Variants in SLC35B4 observed in about 807,000 individuals in gnomAD.
The protein encoded by SLC35B4 is solute carrier family 35 member B4, also known as nucleotide sugar transporter SLC35B4.
A neutral mutation model predicts 39.5 loss-of-function variants in SLC35B4; 28 were observed. That is an observed-to-expected ratio of 0.71 (90% CI 0.53 to 0.97). The LOEUF (loss-of-function observed/expected upper bound fraction) is 0.97. Among genes scored for constraint, SLC35B4 ranks in the 50% least tolerant of loss-of-function variants. The probability of loss-of-function intolerance (pLI) is 0.00; values close to 1 mark genes in which losing one functional copy is unlikely to be tolerated. For synonymous variants in SLC35B4, 145 were observed against 150.4 expected, an observed-to-expected ratio of 0.96 and a Z score of 0.26; for missense variants, 334 against 414.3, an observed-to-expected ratio of 0.81 and a Z score of 1.68.
chr7:134,299,494 G>A (rs1394604383), intron 8 of SLC35B4, 29 bp downstream of exon 8: 1 of 1,561,318 alleles, frequency 6.4e-7, no homozygotes, highest in South Asian at 1.1e-5. Context: ...AAACTGTCAG[G>A]TAATTCTACT....
upstream of SLC35B4, chr7:134,316,933 G>A: frequency 1.7e-6 from 1 of 605,726 alleles, no homozygotes; most frequent in East Asian, 2.9e-5. Context: ...CTGCCAAGAA[G>A]CTGTAGTTCG....
chr7:134,304,624 C>A (rs777462151), intron 4 of SLC35B4, among the ~76,000 whole-genome samples, 181 bp downstream of exon 4: 1 of 152,036 alleles, frequency 6.6e-6, no homozygotes, highest in African/African-American at 2.4e-5. Context: ...TGGCCTCTTA[C>A]CTGATCAGCT....
intron 1 of SLC35B4, among the ~76,000 whole-genome samples, chr7:134,312,124 A>G (rs1803860024): frequency 6.6e-6 from 1 of 152,194 alleles, no homozygotes; most frequent in Admixed American, 6.5e-5. Flanking sequence ...AAAAAGGCAA[A>G]TATGATGACC....
chr7:134,316,153 C>T (rs1803969074), intron 1 of SLC35B4, among the ~76,000 whole-genome samples: 2 of 152,162 alleles, frequency 1.3e-5, no homozygotes, highest in South Asian at 4.1e-4. Flanking sequence ...TTGCAGGATG[C>T]CGTAATAAAA....
intron 3 of SLC35B4, among the ~76,000 whole-genome samples, chr7:134,306,450 A>C (rs1803711430): frequency 6.6e-6 from 1 of 152,188 alleles, no homozygotes; most frequent in South Asian, 2.1e-4. Context: ...TCTTTTTATT[A>C]ATCACTCATT....
At chr7:134,317,765 T>C (rs905710547), upstream of SLC35B4, among the ~76,000 whole-genome samples, 8 of 148,878 alleles carry the variant, frequency 5.4e-5, no homozygotes, top group Non-Finnish European at 8.8e-5. Flanking sequence ...AATGAACAAA[T>C]GTTTGTTAAG....
intron 4 of SLC35B4, among the ~76,000 whole-genome samples, chr7:134,302,341 C>T (rs2244694): frequency 0.48 from 73,707 of 152,032 alleles, 18,193 homozygotes; most frequent in Admixed American, 0.55. Context: ...CAACAATTTG[C>T]TGACCAATCG....
At chr7:134,309,099 G>A (rs1258365738) in intron 2 of SLC35B4, among the ~76,000 whole-genome samples, 2 of 152,106 alleles carry the variant, frequency 1.3e-5, no homozygotes, top group Non-Finnish European at 2.9e-5. Flanking sequence ...TAGGCCTTCT[G>A]ACTAATCCTA....
In SLC35B4 at chr7:134,302,113, G is replaced by A. The variant is rs112280216; in HGVS notation, c.345-3C>T. The A allele has an allele frequency of 0.012, 18,416 of 1,599,486 alleles. 292 individuals are homozygous for A. The highest frequency in any genetic ancestry group is 0.067 in the African/African-American group (4,927 of 73,604). ...AGGTATATTTGAATATACTGTATCT[G>A]CAAAAAAGAAAAAAAAGAAGAAAAA... On this transcript the variant is annotated splice_polypyrimidine_tract_variant and splice_region_variant and intron_variant, in intron 4 of 9. Coordinates refer to ENST00000378509, the MANE Select transcript of SLC35B4 (RefSeq NM_032826.5).
At chr7:134,319,742 G>C (rs963667327), upstream of SLC35B4, among the ~76,000 whole-genome samples, 2 of 152,124 alleles carry the variant, frequency 1.3e-5, no homozygotes, top group Non-Finnish European at 2.9e-5. Flanking sequence ...CTCCCTAATA[G>C]GCCTTTATTT....
chr7:134,298,973 GGCCAGTTTAAAAAGTAACA>G (rs1306289178), intron 8 of SLC35B4, among the ~76,000 whole-genome samples: 1 of 152,186 alleles, frequency 6.6e-6, no homozygotes, highest in Non-Finnish European at 1.5e-5. Flanking sequence ...TTTATTAACT[GGCCAGTTTAAAAAGTAACA>G]GCTAACTTAC....
chr7:134,307,653 G>A (rs1041337275), intron 2 of SLC35B4, among the ~76,000 whole-genome samples: 1 of 152,162 alleles, frequency 6.6e-6, no homozygotes, highest in African/African-American at 2.4e-5. Flanking sequence ...TATTCTTCAG[G>A]AAATGTTGAT....
In SLC35B4 at chr7:134,289,484, C is replaced by T. The variant is rs1803289618; in HGVS notation, c.*5349G>A. 6.5e-6 allele frequency: 1 copy of T among 152,768 alleles called. No individual in the cohort carries two copies. Among genetic ancestry groups the T allele is most frequent in the South Asian group, 2.1e-4 (1 of 4,826 alleles). 9.5% of individuals were successfully genotyped at this position (152,768 alleles called of 1,614,324 possible). On this transcript the variant is annotated 3_prime_UTR_variant, in exon 10 of 10. Coordinates refer to ENST00000378509, the MANE Select transcript of SLC35B4 (RefSeq NM_032826.5). ...GTCTTGTAGCTGTTCTACGTACTCT[C>T]AGCTTTCTACTCCCTCCTCCCCCAT...
At chr7:134,303,640 T>C (rs1293038125) in intron 4 of SLC35B4, among the ~76,000 whole-genome samples, 1 of 152,192 alleles carries the variant, frequency 6.6e-6, no homozygotes, top group East Asian at 1.9e-4. Context: ...AAACTCTAGG[T>C]TCTCACATTC....
intron 4 of SLC35B4, among the ~76,000 whole-genome samples, chr7:134,302,912 G>A (rs1038316155): frequency 6.6e-6 from 1 of 152,186 alleles, no homozygotes; most frequent in Non-Finnish European, 1.5e-5. Context: ...AGAGGACCAC[G>A]CTAGAGAGCG....
chr7:134,296,199 A>G (rs190031180), intron 9 of SLC35B4, among the ~76,000 whole-genome samples, 192 bp downstream of exon 9: 1 of 152,016 alleles, frequency 6.6e-6, no homozygotes, highest in South Asian at 2.1e-4. Context: ...TTACTGACCT[A>G]CTACACCACT....
chr7:134,317,502 A>G (rs1804014714), upstream of SLC35B4, among the ~76,000 whole-genome samples: 1 of 152,184 alleles, frequency 6.6e-6, no homozygotes, highest in South Asian at 2.1e-4. Flanking sequence ...AAGGTGATCT[A>G]TTGATATTAT....
chr7:134,315,388 C>G (rs529845748), intron 1 of SLC35B4, among the ~76,000 whole-genome samples: 1 of 152,316 alleles, frequency 6.6e-6, no homozygotes, highest in East Asian at 1.9e-4. Flanking sequence ...CTGAAATGCT[C>G]TAAAAAATAT....
At chr7:134,316,074 T>C (rs1270425550) in intron 1 of SLC35B4, among the ~76,000 whole-genome samples, 2 of 152,196 alleles carry the variant, frequency 1.3e-5, no homozygotes, top group African/African-American at 4.8e-5. Context: ...AAATCTGTTC[T>C]ACCGCATCAT....
Sources: gnomAD v4.1 joint callset for allele counts (sites outside exome capture counted in the v4.1 genomes callset) on GRCh38, gnomAD v4.1.1 for gene constraint, MANE v1.5 for transcripts, NCBI Gene and HGNC (gene_info 2026-07-23, HGNC 2026-07-21) for gene names.